Variants in PACS2 observed in about 807,000 individuals in gnomAD.
PACS2 encodes PACS1-like protein.
Under a neutral mutation model 113.0 loss-of-function variants are expected in PACS2, and 36 were observed. The ratio of observed to expected loss-of-function variants is 0.32; its 90% confidence interval spans 0.24 to 0.42. PACS2 has a LOEUF of 0.42. Ranked by LOEUF, PACS2 falls within the 10% of genes least tolerant of loss-of-function variation. The pLI, the probability that PACS2 is intolerant of heterozygous loss-of-function variation, is 1.00. For missense variants in PACS2, 1,015 were observed against 1,239.5 expected, an observed-to-expected ratio of 0.82 and a Z score of 2.72; for synonymous variants, 589 against 536.1, an observed-to-expected ratio of 1.10 and a Z score of -1.36.
At position 105,318,709 on chromosome 14, in the gene PACS2, A is replaced by T. The variant is rs192072378; in HGVS notation, c.119+3672A>T. Reference sequence around the variant, plus strand: ...AGTCTCGCTCTGTCACCCAGGCTGGAGTGCAGTGGTGCTGTCTCGGCTCAC... The same window carrying T: ...AGTCTCGCTCTGTCACCCAGGCTGGTGTGCAGTGGTGCTGTCTCGGCTCAC... On this transcript the variant is annotated intron_variant, in intron 1 of 24. Coordinates refer to ENST00000447393, the MANE Select transcript of PACS2 (RefSeq NM_001100913.3). Among the ~76,000 whole-genome samples, 669 of 151,374 alleles carry T rather than the reference A, an allele frequency of 4.4e-3. 9 individuals carry two copies. The highest frequency in any genetic ancestry group is 0.015 in the African/African-American group (612 of 41,152).
upstream of PACS2, among the ~76,000 whole-genome samples, chr14:105,309,467 A>G (rs1595523649): frequency 2.0e-5 from 3 of 152,348 alleles, no homozygotes; most frequent in Non-Finnish European, 4.4e-5. The surrounding 1 kb of genome is among the most constrained non-coding windows in gnomAD (Gnocchi z 4.0). Context: ...TGGACTGGAC[A>G]TTCCTTTCTG....
At chr14:105,385,858 C>A in intron 19 of PACS2, 141 bp downstream of exon 19, 2 of 510,932 alleles carry the variant, frequency 3.9e-6, no homozygotes, top group African/African-American at 1.9e-5. Flanking sequence ...CAGCTGCAGG[C>A]TGAGAGCCCG....
chr14:105,381,793 C>G, intron 12 of PACS2, 121 bp from the exon 13 acceptor site: 4 of 894,430 alleles, frequency 4.5e-6, no homozygotes, highest in Non-Finnish European at 6.8e-6. Context: ...ATCAGTCAGC[C>G]CTGTGCTCAC....
Position 105,348,501 on chromosome 14 carries a change from G to T in PACS2, c.128G>T (p.Ser43Ile). The T allele has an allele frequency of 6.2e-7, 1 of 1,611,650 alleles. No homozygotes were observed. Among genetic ancestry groups the T allele is most frequent in the Non-Finnish European group, 8.5e-7 (1 of 1,179,294 alleles). Residue 43 changes from serine to isoleucine, a missense_variant, in exon 2 of 25, where the codon AGC (serine) becomes ATC (isoleucine). Physicochemically the swap from Ser to Ile is moderately radical, Grantham distance 142. Coordinates refer to ENST00000447393, the MANE Select transcript of PACS2 (RefSeq NM_001100913.3). The surrounding 1 kb of genome is among the most constrained non-coding windows in gnomAD (Gnocchi z 6.4). The part of the protein sequence containing the change: ...SSPSCVPRLC[S>I]LTLKKLVVFK... Reference sequence around the variant, plus strand: ...TGTGCCTTGCCTCACAGGTTGTGCAGCCTGACTCTGAAGAAGCTGGTGGTC... The same window carrying T: ...TGTGCCTTGCCTCACAGGTTGTGCATCCTGACTCTGAAGAAGCTGGTGGTC...
At chr14:105,384,599 G>A (rs1595163280) in intron 17 of PACS2, 136 bp downstream of exon 17, 1 of 635,832 alleles carries the variant, frequency 1.6e-6, no homozygotes, top group South Asian at 1.9e-5. Context: ...GGGCCTGCTG[G>A]GGCCTTGGCC....
At chr14:105,389,013 G>C (rs1363539185) in intron 19 of PACS2, 3 of 152,402 alleles carry the variant, frequency 2.0e-5, no homozygotes, top group African/African-American at 7.2e-5. Context: ...CTAGCTGCCG[G>C]CGGGGCCTCA....
At chr14:105,384,799 C>A in intron 17 of PACS2, 80 bp from the exon 18 acceptor site, 1 of 916,610 alleles carries the variant, frequency 1.1e-6, no homozygotes, top group Non-Finnish European at 1.7e-6. Flanking sequence ...CTGGGCGGGG[C>A]ACCGGGGAGG....
chr14:105,305,597 T>G (rs1010116845), intron 1 of PACS2, among the ~76,000 whole-genome samples: 9 of 152,140 alleles, frequency 5.9e-5, no homozygotes. Context: ...TGGTTTGCCA[T>G]TGCAGTGTGA....
At chr14:105,387,481 G>A (rs1595173745) in intron 19 of PACS2, among the ~76,000 whole-genome samples, 1 of 152,204 alleles carries the variant, frequency 6.6e-6, no homozygotes, top group African/African-American at 2.4e-5. Context: ...GTGCCCGCGG[G>A]GCCTCCCCAC....
intron 1 of PACS2, among the ~76,000 whole-genome samples, chr14:105,339,276 G>T (rs1555401136): frequency 1.3e-5 from 2 of 152,058 alleles, no homozygotes; most frequent in Non-Finnish European, 2.9e-5. Context: ...GGAGGTCAAG[G>T]TGGGGGGACC....
rs897991221 is a variant in PACS2, at chr14:105,348,426, G to T, written c.120-67G>T. 1 of 1,263,592 alleles carries T rather than the reference G, an allele frequency of 7.9e-7. No individual in the cohort carries two copies. 78.3% of individuals were successfully genotyped at this position (1,263,592 alleles called of 1,614,324 possible). ...GGCTCCCGGGGTGACACAGTGCTGG[G>T]ACGGCACAGGGCCGCGTCCTGAGGA... On this transcript the variant is annotated intron_variant, in intron 1 of 24. Transcript: ENST00000447393. This position sits in a 1 kb window ranked among gnomAD's most constrained non-coding sequence, Gnocchi z 6.4.
At chr14:105,326,937 T>C (rs903616322) in intron 1 of PACS2, among the ~76,000 whole-genome samples, 11 of 152,320 alleles carry the variant, frequency 7.2e-5, no homozygotes, top group African/African-American at 2.2e-4. Flanking sequence ...GCCCTGGACT[T>C]CCTGTTTTTC....
At chr14:105,378,512 C>T (rs587760604) in intron 9 of PACS2, among the ~76,000 whole-genome samples, 3 of 152,356 alleles carry the variant, frequency 2.0e-5, no homozygotes, top group South Asian at 2.1e-4. Context: ...TGGGCCCAAG[C>T]GGTTCTCCCA....
Position 105,314,895 on chromosome 14 carries a change from C to A in PACS2, c.-24C>A. 1 of 970,672 alleles carries A rather than the reference C, an allele frequency of 1.0e-6. No homozygotes were observed. The highest frequency in any genetic ancestry group is 1.2e-6 in the Non-Finnish European group (1 of 818,990). 60.1% of individuals were successfully genotyped at this position (970,672 alleles called of 1,614,324 possible). The stretch of plus-strand genomic sequence containing the variant: ...CGGCCCGGCCGCAGCCCCAGGCCGC[C>A]GAGGGAGCGGCGGGGCCGGCGCCAT... On this transcript the variant is annotated 5_prime_UTR_variant, in exon 1 of 25. Transcript: ENST00000447393.
At chr14:105,316,811 G>A (rs2058670337) in intron 1 of PACS2, among the ~76,000 whole-genome samples, 1 of 152,168 alleles carries the variant, frequency 6.6e-6, no homozygotes, top group South Asian at 2.1e-4. Context: ...GCTCTGGCCT[G>A]GACAGGGTTG....
In PACS2 at chr14:105,384,878, G is replaced by T; in HGVS notation, c.1892-1G>T. On this transcript the variant is annotated splice_acceptor_variant, in intron 17 of 24. Transcript: ENST00000447393. LOFTEE classifies it high-confidence loss of function. ...CCCCCCACCGCCTCCTCCCCCTGCAGTACAGGACACGCCAGACATTGTGTC... is the reference window on the plus strand; with the variant it reads ...CCCCCCACCGCCTCCTCCCCCTGCATTACAGGACACGCCAGACATTGTGTC... 1 of 1,569,002 alleles carries T rather than the reference G, an allele frequency of 6.4e-7. No homozygotes were observed. The highest frequency in any genetic ancestry group is 8.7e-7 in the Non-Finnish European group (1 of 1,153,926).
exon 1 of PACS2, chr14:105,300,782 G>T: frequency 2.1e-6 from 1 of 466,308 alleles, no homozygotes; most frequent in South Asian, 9.9e-5. Context: ...CCGCAGATTC[G>T]CCGCGCGCGC....
At chr14:105,375,244 CCGAGGCGGGTGGATTA>C (rs1376385381) in intron 8 of PACS2, among the ~76,000 whole-genome samples, 1 of 152,080 alleles carries the variant, frequency 6.6e-6, no homozygotes, top group African/African-American at 2.4e-5. Flanking sequence ...CTTTGGGAGG[CCGAGGCGGGTGGATTA>C]CAAGGTCAAG....
At position 105,382,149 on chromosome 14, in the gene PACS2, G is replaced by A. The variant is rs956637816; in HGVS notation, c.1413+91G>A. The stretch of plus-strand genomic sequence containing the variant: ...CAGGGCAAAAAGAGAAGCACAGGGG[G>A]CCAAGGGTGCTGGGCCACAGAGCAT... On this transcript the variant is annotated intron_variant, in intron 13 of 24. Coordinates refer to ENST00000447393, the MANE Select transcript of PACS2 (RefSeq NM_001100913.3). 2.2e-5 allele frequency: 30 copies of A among 1,358,106 alleles called. No homozygotes were observed. The African/African-American group carries it at 3.5e-4, about 16-fold the overall frequency. 84.1% of individuals were successfully genotyped at this position (1,358,106 alleles called of 1,614,324 possible). A position where few individuals can be genotyped will look rare whatever the true frequency, so the allele number is the denominator to read the frequency against.
Sources: gnomAD v4.1 joint callset for allele counts (sites outside exome capture counted in the v4.1 genomes callset) on GRCh38, gnomAD v4.1.1 for gene constraint, Gnocchi (gnomAD v3.1) non-coding constraint, MANE v1.5 for transcripts, NCBI Gene and HGNC (gene_info 2026-07-23, HGNC 2026-07-21) for gene names.